Variants in MYO10 observed in about 807,000 individuals in gnomAD.
The protein encoded by MYO10 is unconventional myosin-X.
A neutral mutation model predicts 257.3 loss-of-function variants in MYO10; 133 were observed. The observed-to-expected ratio is 0.52, with a 90% CI of 0.45 to 0.60. MYO10 has a LOEUF of 0.60. Among genes scored for constraint, MYO10 ranks in the 20% least tolerant of loss-of-function variants. The pLI is 0.00. For synonymous variants in MYO10, 1,104 were observed against 1,028.6 expected (o/e 1.07, Z -1.40); for missense variants, 2,399 against 2,635.7 (o/e 0.91, Z 1.97).
At chr5:16,777,474 T>C (rs1411874635) in intron 9 of MYO10, among the ~76,000 whole-genome samples, 1 of 152,208 alleles carries the variant, frequency 6.6e-6, no homozygotes, top group Non-Finnish European at 1.5e-5. Flanking sequence ...TTGTAACAAA[T>C]AATCTATGAC....
intron 2 of MYO10, 72 bp from the exon 3 acceptor site, chr5:16,818,239 T>C: frequency 3.1e-6 from 4 of 1,282,190 alleles, no homozygotes; most frequent in Non-Finnish European, 4.2e-6. Flanking sequence ...TTTCCCAAAC[T>C]GACAATACAA....
At chr5:16,798,215 G>A (rs1315703484) in intron 3 of MYO10, among the ~76,000 whole-genome samples, 1 of 152,150 alleles carries the variant, frequency 6.6e-6, no homozygotes, top group Non-Finnish European at 1.5e-5. Context: ...ATTACCCAGT[G>A]TGTGGTATCC....
intron 2 of MYO10, among the ~76,000 whole-genome samples, chr5:16,851,810 T>C (rs1024302755): frequency 6.6e-6 from 1 of 152,036 alleles, no homozygotes; most frequent in Non-Finnish European, 1.5e-5. Flanking sequence ...CCCAGCACTT[T>C]GGGAGGCCAA....
rs1209322572 is a variant in MYO10 at position 16,717,952 on chromosome 5, G to A, written c.1930-6707C>T. ...CCTCAGCTTGCAGGGAGGTGTGGAG[G>A]GAGAGGCACGAGCGGGAACCGGGGC... On this transcript the variant is annotated intron_variant, in intron 19 of 40. Transcript: ENST00000513610. 2.6e-5 allele frequency among the ~76,000 whole-genome samples: 4 copies of A among 152,204 alleles called. No individual in the cohort carries two copies. In the South Asian group the frequency reaches 6.2e-4, roughly 24 times the overall value.
intron 1 of MYO10, among the ~76,000 whole-genome samples, chr5:16,925,189 T>C (rs1326200016): frequency 6.6e-6 from 1 of 152,174 alleles, no homozygotes; most frequent in African/African-American, 2.4e-5. Context: ...AGAAATAATT[T>C]GGCCATTACA....
chr5:16,880,992 CAT>C, intron 1 of MYO10, among the ~76,000 whole-genome samples: 1 of 152,288 alleles, frequency 6.6e-6, no homozygotes, highest in South Asian at 2.1e-4. Flanking sequence ...TCCCAACACA[CAT>C]ACACGCCCAT....
chr5:16,796,666 G>A (rs1489737728), intron 3 of MYO10, among the ~76,000 whole-genome samples: 1 of 152,152 alleles, frequency 6.6e-6, no homozygotes, highest in Non-Finnish European at 1.5e-5. Context: ...AGGGGTGGGA[G>A]CAGAGAGTCC....
chr5:16,826,737 T>G (rs1318580088), intron 2 of MYO10, among the ~76,000 whole-genome samples: 1 of 152,224 alleles, frequency 6.6e-6, no homozygotes, highest in African/African-American at 2.4e-5. Context: ...GTTTAGATTT[T>G]TCCTGGAATT....
chr5:16,878,943 T>C (rs1310402226), intron 1 of MYO10, among the ~76,000 whole-genome samples: 4 of 149,594 alleles, frequency 2.7e-5, no homozygotes, highest in Admixed American at 6.7e-5. Context: ...AACATATCCA[T>C]GTAACTAAAC....
intron 1 of MYO10, among the ~76,000 whole-genome samples, chr5:16,917,496 G>T (rs1745854824): frequency 6.6e-6 from 1 of 152,018 alleles, no homozygotes; most frequent in Non-Finnish European, 1.5e-5. Flanking sequence ...AATGTCTCCT[G>T]ATACTTCTAA....
chr5:16,790,054 C>T (rs1741707486), intron 4 of MYO10, among the ~76,000 whole-genome samples: 1 of 151,864 alleles, frequency 6.6e-6, no homozygotes, highest in Non-Finnish European at 1.5e-5. Context: ...CCTTATTCTG[C>T]TTGGTGCCTT....
intron 1 of MYO10, among the ~76,000 whole-genome samples, chr5:16,910,264 A>T (rs1032490175): frequency 3.3e-5 from 5 of 152,190 alleles, no homozygotes; most frequent in Non-Finnish European, 7.3e-5. Flanking sequence ...TAAAATTTTT[A>T]AAAATCAGAG....
intron 5 of MYO10, 58 bp from the exon 6 acceptor site, chr5:16,781,887 A>G (rs1045426620): frequency 1.4e-4 from 216 of 1,565,882 alleles, no homozygotes; most frequent in Non-Finnish European, 1.8e-4. Flanking sequence ...GAAGACAGCA[A>G]TAGCACTTCT....
intron 5 of MYO10, among the ~76,000 whole-genome samples, chr5:16,782,058 C>T (rs1391833671): frequency 2.0e-5 from 3 of 152,194 alleles, no homozygotes; most frequent in Non-Finnish European, 4.4e-5. Context: ...CAAGGGATGC[C>T]ACACAGTTAA....
intron 1 of MYO10, among the ~76,000 whole-genome samples, chr5:16,935,064 G>C (rs574723625): frequency 4.8e-4 from 73 of 152,276 alleles, no homozygotes; most frequent in African/African-American, 1.7e-3. Context: ...GGGGAAAAAG[G>C]GTTCTCAAGT....
chr5:16,884,164 G>A (rs1744833222), intron 1 of MYO10, among the ~76,000 whole-genome samples: 1 of 152,204 alleles, frequency 6.6e-6, no homozygotes, highest in Non-Finnish European at 1.5e-5. Context: ...ACCGAGGCAG[G>A]CGGATTACCC....
chr5:16,852,619 A>G (rs1743842132), intron 2 of MYO10, among the ~76,000 whole-genome samples: 1 of 151,574 alleles, frequency 6.6e-6, no homozygotes, highest in African/African-American at 2.4e-5. Context: ...GCTGGACCTC[A>G]TTACCTTCAA....
intron 33 of MYO10, among the ~76,000 whole-genome samples, chr5:16,676,444 C>T (rs968077655): frequency 2.0e-5 from 3 of 152,178 alleles, no homozygotes; most frequent in Non-Finnish European, 2.9e-5. Flanking sequence ...CAGCAGAGCA[C>T]GGTGGCTCAC....
At chr5:16,733,294 C>T (rs938351907) in intron 19 of MYO10, among the ~76,000 whole-genome samples, 1 of 152,118 alleles carries the variant, frequency 6.6e-6, no homozygotes, top group South Asian at 2.1e-4. Context: ...TGAGAAATCA[C>T]CCCACCCCAT....
Sources: allele counts gnomAD v4.1 joint callset (sites outside exome capture counted in the v4.1 genomes callset), GRCh38; gene constraint gnomAD v4.1.1; transcripts MANE v1.5; gene names NCBI Gene and HGNC (gene_info 2026-07-23, HGNC 2026-07-21).